MAPKAPK5: variants seen among roughly 807,000 people sequenced by gnomAD.
MAPKAPK5 encodes the protein MAPK activated protein kinase 5.
Under a neutral mutation model 65.1 loss-of-function variants are expected in MAPKAPK5, and 30 were observed. The observed-to-expected ratio is 0.46, with a 90% CI of 0.34 to 0.63. The LOEUF (loss-of-function observed/expected upper bound fraction) is 0.63. Ranked by LOEUF, MAPKAPK5 falls within the 20% of genes least tolerant of loss-of-function variation. The probability of loss-of-function intolerance (pLI) is 0.01; values close to 1 mark genes in which losing one functional copy is unlikely to be tolerated. For synonymous variants in MAPKAPK5, 179 were observed against 204.6 expected (o/e 0.87, Z 1.07); for missense variants, 433 against 581.4 (o/e 0.74, Z 2.63).
At chr12:111,881,445 C>T (rs2070223532) in intron 8 of MAPKAPK5, among the ~76,000 whole-genome samples, 1 of 142,386 alleles carries the variant, frequency 7.0e-6, no homozygotes, top group Non-Finnish European at 1.5e-5. Flanking sequence ...TACCCTGTCG[C>T]CCAGGCTGGA....
chr12:111,844,252 A>T (rs1232370460), intron 1 of MAPKAPK5, among the ~76,000 whole-genome samples: 1 of 146,238 alleles, frequency 6.8e-6, no homozygotes, highest in Non-Finnish European at 1.5e-5. Flanking sequence ...GTGCAGTGGG[A>T]TGCTCTTGGC....
In MAPKAPK5 at chr12:111,842,696, A is replaced by G; in HGVS notation, c.-38A>G. 1.5e-6 allele frequency: 2 copies of G among 1,359,336 alleles called. No homozygotes were observed. The highest frequency in any genetic ancestry group is 9.5e-7 in the Non-Finnish European group (1 of 1,050,016). 84.2% of individuals were successfully genotyped at this position (1,359,336 alleles called of 1,614,324 possible). On this transcript the variant is annotated 5_prime_UTR_variant, in exon 1 of 14. Coordinates refer to ENST00000550735, the MANE Select transcript of MAPKAPK5 (RefSeq NM_003668.4). ...CCGCGCGGGGACAGGGCTGCTGAGC[A>G]GCCTCCGCCTCTCCCGGCTGTGGGG...
At chr12:111,891,831 A>C (rs529295101) in intron 13 of MAPKAPK5, among the ~76,000 whole-genome samples, 5 of 151,932 alleles carry the variant, frequency 3.3e-5, no homozygotes, top group South Asian at 4.1e-4. Context: ...GGAAAAAAAA[A>C]CTTGAAATAT....
Position 111,901,487 on chromosome 12 carries a change from A to ACTT in MAPKAPK5, c.*8427_*8429dup, listed in dbSNP as rs1442494081. ...ACATGATGATATTATCATTCATTAT[A>ACTT]CTTTTTATAATATTATTATTAAGTA... On this transcript the variant is annotated 3_prime_UTR_variant, in exon 14 of 14. Coordinates refer to ENST00000550735, the MANE Select transcript of MAPKAPK5 (RefSeq NM_003668.4). The ACTT allele has an allele frequency of 9.1e-6, 4 of 438,576 alleles. No individual in the cohort carries two copies. The highest frequency in any genetic ancestry group is 1.8e-5 in the Non-Finnish European group (4 of 220,760). 27.2% of individuals were successfully genotyped at this position (438,576 alleles called of 1,614,324 possible).
At chr12:111,866,070 G>A in intron 2 of MAPKAPK5, 86 bp from the exon 3 acceptor site, 2 of 1,111,316 alleles carry the variant, frequency 1.8e-6, no homozygotes, top group Non-Finnish European at 2.6e-6. Flanking sequence ...TTGATGAGAA[G>A]TACAAATCTC....
intron 1 of MAPKAPK5, among the ~76,000 whole-genome samples, chr12:111,864,288 C>T (rs546645874): frequency 6.6e-6 from 1 of 152,168 alleles, no homozygotes; most frequent in South Asian, 2.1e-4. Flanking sequence ...GCAGTCTCCA[C>T]CTCCTGGGTT....
Position 111,880,647 on chromosome 12 carries a change from A to G in MAPKAPK5, c.660+120A>G, listed in dbSNP as rs530980393. On this transcript the variant is annotated intron_variant, in intron 8 of 13. Transcript: ENST00000550735. ...CTCACCCCTTAATATTCCTGCCCCA[A>G]AGAAGCAGCCAGACTCGCAGAAAAG... 139 of 797,324 alleles carry G rather than the reference A, an allele frequency of 1.7e-4. No individual in the cohort carries two copies. In the African/African-American group the frequency reaches 2.2e-3, roughly 13 times the overall value. The allele number at this position is 797,324 out of a possible 1,614,324, so 49.4% of individuals were successfully genotyped here.
intron 1 of MAPKAPK5, among the ~76,000 whole-genome samples, chr12:111,852,878 A>G (rs1254545440): frequency 6.6e-6 from 1 of 152,092 alleles, no homozygotes; most frequent in African/African-American, 2.4e-5. Flanking sequence ...GGTTCAAGCA[A>G]TTCTCCTGCC....
At chr12:111,849,179 C>G (rs1241181928) in intron 1 of MAPKAPK5, among the ~76,000 whole-genome samples, 1 of 151,704 alleles carries the variant, frequency 6.6e-6, no homozygotes, top group African/African-American at 2.4e-5. Flanking sequence ...CTCCTGGGCT[C>G]AAGCGATCTG....
At chr12:111,858,751 C>G (rs1294545489) in intron 1 of MAPKAPK5, among the ~76,000 whole-genome samples, 3 of 146,236 alleles carry the variant, frequency 2.1e-5, no homozygotes, top group Admixed American at 1.3e-4. Flanking sequence ...CTGTGTTGGC[C>G]GGGCTGGTCT....
chr12:111,894,909 C>T lies in MAPKAPK5; in HGVS notation c.*1848C>T, dbSNP rs558734951. 9 of 152,006 alleles carry T rather than the reference C, an allele frequency of 5.9e-5. No homozygotes were observed. In the East Asian group the frequency reaches 1.7e-3, roughly 29 times the overall value. 9.4% of individuals were successfully genotyped at this position (152,006 alleles called of 1,614,324 possible). A position where few individuals can be genotyped will look rare whatever the true frequency, so the allele number is the denominator to read the frequency against. On this transcript the variant is annotated 3_prime_UTR_variant, in exon 14 of 14. Transcript: ENST00000550735. Reference sequence around the variant, plus strand: ...TTATTCAATTTTTTCTCATCTCATTCTCTTCGATCAAAATTGATCTCACCA... The same window carrying T: ...TTATTCAATTTTTTCTCATCTCATTTTCTTCGATCAAAATTGATCTCACCA...
At chr12:111,850,894 ATTTTC>A (rs1298075579) in intron 1 of MAPKAPK5, among the ~76,000 whole-genome samples, 2 of 130,438 alleles carry the variant, frequency 1.5e-5, no homozygotes, top group Admixed American at 1.5e-4. Flanking sequence ...ATGAGAACCC[ATTTTC>A]TTTTTTTTTT....
intron 7 of MAPKAPK5, among the ~76,000 whole-genome samples, chr12:111,876,903 C>G (rs1344583201): frequency 6.6e-6 from 1 of 152,020 alleles, no homozygotes; most frequent in Non-Finnish European, 1.5e-5. Context: ...CACATTCTTA[C>G]AGTGTACAAA....
chr12:111,882,735 A>G (rs1483016129), intron 8 of MAPKAPK5: 1 of 883,082 alleles, frequency 1.1e-6, no homozygotes, highest in African/African-American at 1.8e-5. Flanking sequence ...AAATGGACCT[A>G]GTGAGTCCTT....
rs543241249 is a variant in MAPKAPK5 at position 111,900,085 on chromosome 12, CAG to C, written c.*7027_*7028del. 4.0e-4 allele frequency: 181 copies of C among 456,062 alleles called. 1 individual carries two copies. Among genetic ancestry groups the C allele is most frequent in the African/African-American group, 3.4e-3 (171 of 50,192 alleles). The allele number at this position is 456,062 out of a possible 1,614,324, so 28.3% of individuals were successfully genotyped here. On this transcript the variant is annotated 3_prime_UTR_variant, in exon 14 of 14. Transcript: ENST00000550735. ...AACAGCTTCACTAGGGGAATAAACA[CAG>C]AGGTGGTGCTGGCTGGAATGGAGAT...
intron 1 of MAPKAPK5, among the ~76,000 whole-genome samples, chr12:111,846,231 T>C (rs2068902976): frequency 6.6e-6 from 1 of 152,216 alleles, no homozygotes; most frequent in African/African-American, 2.4e-5. Flanking sequence ...GTTGTATTCA[T>C]TGTTTTGCTT....
chr12:111,855,682 C>T (rs1464917081), intron 1 of MAPKAPK5, among the ~76,000 whole-genome samples: 1 of 151,718 alleles, frequency 6.6e-6, no homozygotes, highest in Non-Finnish European at 1.5e-5. Flanking sequence ...CAAAAATTAG[C>T]TGGGCATGGT....
At chr12:111,879,465 C>A (rs1024279967) in intron 7 of MAPKAPK5, 54 of 150,038 alleles carry the variant, frequency 3.6e-4, no homozygotes, top group African/African-American at 1.3e-3. Flanking sequence ...TCTTGGCTCA[C>A]CACAACCTCC....
intron 10 of MAPKAPK5, chr12:111,888,174 T>C (rs1051545781): frequency 5.6e-5 from 16 of 286,032 alleles, no homozygotes; most frequent in Non-Finnish European, 1.0e-4. Flanking sequence ...CTGATGTCCA[T>C]ATGTGCCTCT....
Sources: gnomAD v4.1 joint callset for allele counts (sites outside exome capture counted in the v4.1 genomes callset) on GRCh38, gnomAD v4.1.1 for gene constraint, MANE v1.5 for transcripts, NCBI Gene and HGNC (gene_info 2026-07-23, HGNC 2026-07-21) for gene names.